The following MGAT4C variants were observed in gnomAD, a reference collection of about 807,000 sequenced individuals.
MGAT4C encodes the protein MGAT4 family member C, also known as alpha-1,3-mannosyl-glycoprotein 4-beta-N-acetylglucosaminyltransferase C.
In MGAT4C, 19 loss-of-function variants were observed where a neutral mutation model predicts 40.1. That is an observed-to-expected ratio of 0.47 (90% CI 0.33 to 0.70). The LOEUF (loss-of-function observed/expected upper bound fraction) is 0.70, where lower values mean the gene tolerates loss of function less well. Ranked by LOEUF, MGAT4C falls within the 30% of genes least tolerant of loss-of-function variation. MGAT4C has a pLI of 0.02. For synonymous variants in MGAT4C, 181 were observed against 187.1 expected, an observed-to-expected ratio of 0.97 and a Z score of 0.27; for missense variants, 491 against 563.2, an observed-to-expected ratio of 0.87 and a Z score of 1.30.
In MGAT4C at chr12:86,674,566, AG is replaced by A. The variant is rs1441640799; in HGVS notation, c.-229+52642del. 2.0e-5 allele frequency among the ~76,000 whole-genome samples: 3 copies of A among 152,150 alleles called. No homozygotes were observed. The East Asian group carries it at 5.8e-4, about 30-fold the overall frequency. On this transcript the variant is annotated intron_variant, in intron 2 of 7. Transcript: ENST00000548651. ...CAAGAAACTATCCAAGTATGGTGTC[AG>A]GCACGTGTAATCCCAGCCACTTGGG...
chr12:86,493,792 TATAATA>T (rs1047237768), intron 2 of MGAT4C, among the ~76,000 whole-genome samples: 1 of 151,946 alleles, frequency 6.6e-6, no homozygotes, highest in Admixed American at 6.6e-5. Context: ...AAACTTGAAG[TATAATA>T]ATAATAAAAT....
chr12:86,649,016 A>G (rs942046269), intron 2 of MGAT4C, among the ~76,000 whole-genome samples: 2 of 151,820 alleles, frequency 1.3e-5, no homozygotes, highest in Admixed American at 6.6e-5. Flanking sequence ...TAGGGGCTTC[A>G]TATAGTAAGC....
intron 3 of MGAT4C, among the ~76,000 whole-genome samples, chr12:86,406,072 T>G (rs963384340): frequency 1.4e-5 from 2 of 146,130 alleles, no homozygotes; most frequent in Non-Finnish European, 3.0e-5. Flanking sequence ...GTAATTTTTA[T>G]ATATATATAA....
chr12:86,118,704 A>T (rs1390041804), intron 1 of MGAT4C, among the ~76,000 whole-genome samples: 3 of 152,194 alleles, frequency 2.0e-5, no homozygotes, highest in Non-Finnish European at 2.9e-5. Flanking sequence ...TAGATTTTTT[A>T]AAAGGATGGT....
chr12:86,115,018 T>C (rs1002323557), intron 1 of MGAT4C, among the ~76,000 whole-genome samples: 1 of 151,924 alleles, frequency 6.6e-6, no homozygotes, highest in African/African-American at 2.4e-5. Context: ...CCCTATTTTA[T>C]GGAGAAAATG....
chr12:86,093,784 C>T (rs1456962281), intron 1 of MGAT4C, among the ~76,000 whole-genome samples: 1 of 150,912 alleles, frequency 6.6e-6, no homozygotes, highest in African/African-American at 2.4e-5. Flanking sequence ...ACCTACAAGG[C>T]CCTTTTAAAT....
chr12:86,792,704 G>T (rs1187911611), intron 1 of MGAT4C, among the ~76,000 whole-genome samples: 1 of 152,194 alleles, frequency 6.6e-6, no homozygotes, highest in Non-Finnish European at 1.5e-5. Context: ...GGCCGAGGCG[G>T]GTGGATCACC....
At chr12:86,779,011 T>A (rs1391589593) in intron 1 of MGAT4C, among the ~76,000 whole-genome samples, 4 of 142,470 alleles carry the variant, frequency 2.8e-5, no homozygotes, top group African/African-American at 7.6e-5. Context: ...ACAATTTCAC[T>A]AAAAAAAAAA....
At chr12:86,098,566 G>A (rs895594348) in intron 1 of MGAT4C, among the ~76,000 whole-genome samples, 5 of 151,518 alleles carry the variant, frequency 3.3e-5, no homozygotes, top group Non-Finnish European at 5.9e-5. Context: ...TATATTAGAT[G>A]CTTTTTGCAA....
At chr12:86,765,512 A>G (rs964404010) in intron 1 of MGAT4C, among the ~76,000 whole-genome samples, 3 of 152,192 alleles carry the variant, frequency 2.0e-5, no homozygotes, top group Non-Finnish European at 4.4e-5. Flanking sequence ...GGAAATATAG[A>G]GAACGCCACA....
At chr12:86,707,759 G>C (rs1453197669) in intron 2 of MGAT4C, among the ~76,000 whole-genome samples, 3 of 151,946 alleles carry the variant, frequency 2.0e-5, no homozygotes, top group African/African-American at 7.3e-5. Context: ...TTAAACTCCT[G>C]AGCTCAGGCA....
chr12:86,023,261 AT>A lies in MGAT4C; in HGVS notation c.-7+26412del, dbSNP rs554716673. Among the ~76,000 whole-genome samples the A allele has an allele frequency of 5.6e-4, 85 of 151,312 alleles. 2 individuals are homozygous for A. Among genetic ancestry groups the A allele is most frequent in the African/African-American group, 2.0e-3 (81 of 41,332 alleles). ...TCTTTATTTTGCAGAGGCAAAGTCA[AT>A]TTTTTTTTCTGGTATGTAAGGTCTT... On this transcript the variant is annotated intron_variant, in intron 2 of 4. Transcript: ENST00000611864.
intron 4 of MGAT4C, among the ~76,000 whole-genome samples, chr12:86,298,340 T>G (rs561520406): frequency 3.9e-5 from 6 of 152,140 alleles, no homozygotes; most frequent in Admixed American, 3.9e-4. Flanking sequence ...AATGGGATAA[T>G]ATTTATTTCT....
At chr12:86,010,507 G>A (rs1011768708) in intron 2 of MGAT4C, among the ~76,000 whole-genome samples, 1 of 152,022 alleles carries the variant, frequency 6.6e-6, no homozygotes, top group African/African-American at 2.4e-5. Flanking sequence ...GTGAAACCCC[G>A]TCTCTACTAA....
chr12:85,993,298 C>T (rs1886192366), intron 2 of MGAT4C, among the ~76,000 whole-genome samples: 1 of 152,068 alleles, frequency 6.6e-6, no homozygotes. Flanking sequence ...TATATAGGGC[C>T]AGGGATGGGG....
rs78167359 is a variant in MGAT4C, at chr12:86,585,758, T to C, written c.-229+141451A>G. Among the ~76,000 whole-genome samples, 2,607 of 150,310 alleles carry C rather than the reference T, an allele frequency of 0.017. 147 individuals carry two copies. In the East Asian group the frequency reaches 0.19, roughly 11 times the overall value. Reference sequence around the variant, plus strand: ...TAATTTTTTTTTTAATTTTTCTTTTTTTTTTTCATTCCCCCACTTTATTGA... The same window carrying C: ...TAATTTTTTTTTTAATTTTTCTTTTCTTTTTTCATTCCCCCACTTTATTGA... On this transcript the variant is annotated intron_variant, in intron 2 of 7. Transcript: ENST00000548651.
intron 4 of MGAT4C, among the ~76,000 whole-genome samples, chr12:85,981,141 G>A (rs1884555071): frequency 6.6e-6 from 1 of 151,960 alleles, no homozygotes; most frequent in South Asian, 2.1e-4. Context: ...AAAAAATTTT[G>A]AAACACACTT....
At chr12:86,455,249 C>T (rs758493430) in intron 2 of MGAT4C, among the ~76,000 whole-genome samples, 1 of 151,980 alleles carries the variant, frequency 6.6e-6, no homozygotes, top group Non-Finnish European at 1.5e-5. Flanking sequence ...AGGTATGTTC[C>T]AAGTATTCAG....
At chr12:86,215,665 ACTC>A (rs1180213998) in intron 1 of MGAT4C, among the ~76,000 whole-genome samples, 3 of 151,362 alleles carry the variant, frequency 2.0e-5, no homozygotes, top group African/African-American at 7.3e-5. Context: ...AGCTCTCTGA[ACTC>A]CTTCTAGTTC....
Sources: gnomAD v4.1 joint callset for allele counts (sites outside exome capture counted in the v4.1 genomes callset) on GRCh38, gnomAD v4.1.1 for gene constraint, MANE v1.5 for transcripts, NCBI Gene and HGNC (gene_info 2026-07-23, HGNC 2026-07-21) for gene names.